Variants in RAD51B observed in about 807,000 individuals in gnomAD.
RAD51B encodes the protein DNA repair protein RAD51 homolog 2.
In RAD51B, 38 loss-of-function variants were observed where a neutral mutation model predicts 42.2. That is an observed-to-expected ratio of 0.90 (90% confidence interval 0.70 to 1.18). The LOEUF is 1.18. Ranked by LOEUF, RAD51B falls within the 50% of genes most tolerant of loss-of-function variation. The pLI is 0.00. For synonymous variants in RAD51B, 154 were observed against 145.2 expected (o/e 1.06, Z -0.43); for missense variants, 373 against 400.7 (o/e 0.93, Z 0.59).
intron 8 of RAD51B, among the ~76,000 whole-genome samples, chr14:68,328,478 C>A (rs2082287937): frequency 6.6e-6 from 1 of 152,148 alleles, no homozygotes; most frequent in African/African-American, 2.4e-5. Context: ...ATATAATGGA[C>A]TATACCATTT....
At chr14:68,193,421 A>G (rs2079306349) in intron 7 of RAD51B, among the ~76,000 whole-genome samples, 1 of 152,078 alleles carries the variant, frequency 6.6e-6, no homozygotes, top group Admixed American at 6.6e-5. Flanking sequence ...GAGGTCTGGG[A>G]CCATATCTTC....
intron 9 of RAD51B, among the ~76,000 whole-genome samples, chr14:68,445,166 A>G (rs1317345565): frequency 1.3e-5 from 2 of 152,144 alleles, no homozygotes; most frequent in Non-Finnish European, 2.9e-5. Flanking sequence ...TTGCAGGCTG[A>G]AGAGTTAGCC....
intron 4 of RAD51B, among the ~76,000 whole-genome samples, chr14:67,858,471 T>G (rs1464843894): frequency 2.0e-5 from 3 of 152,168 alleles, no homozygotes; most frequent in African/African-American, 7.2e-5. Context: ...TCTCCGGTAT[T>G]GATTGAGTTT....
At chr14:68,162,641 C>T (rs891350322) in intron 7 of RAD51B, among the ~76,000 whole-genome samples, 2 of 151,912 alleles carry the variant, frequency 1.3e-5, no homozygotes. Flanking sequence ...AAAAATTAGC[C>T]GGGTGTGGTG....
chr14:68,259,092 G>T (rs1034512261), intron 7 of RAD51B, among the ~76,000 whole-genome samples: 4 of 152,200 alleles, frequency 2.6e-5, no homozygotes, highest in African/African-American at 7.2e-5. Flanking sequence ...AGACATATTT[G>T]TGAGACATGT....
At chr14:68,155,957 G>C (rs1388694627) in intron 7 of RAD51B, among the ~76,000 whole-genome samples, 2 of 152,188 alleles carry the variant, frequency 1.3e-5, no homozygotes, top group East Asian at 3.8e-4. Context: ...TTAGCATTTA[G>C]AGTTTCTTCA....
chr14:67,995,539 G>C (rs2075366003), intron 7 of RAD51B, among the ~76,000 whole-genome samples: 1 of 151,982 alleles, frequency 6.6e-6, no homozygotes, highest in Non-Finnish European at 1.5e-5. Flanking sequence ...TTAGAAATAT[G>C]GATGTCAACC....
intron 10 of RAD51B, among the ~76,000 whole-genome samples, chr14:68,542,621 A>G (rs971459286): frequency 1.3e-5 from 2 of 152,234 alleles, no homozygotes; most frequent in African/African-American, 4.8e-5. Flanking sequence ...TTCATGACAC[A>G]TAACAATGGC....
chr14:68,343,338 T>C (rs913130562), intron 8 of RAD51B, among the ~76,000 whole-genome samples: 23 of 152,224 alleles, frequency 1.5e-4, no homozygotes, highest in Admixed American at 1.3e-4. Context: ...ACAGGGGCTT[T>C]TTATTTTGAT....
intron 10 of RAD51B, among the ~76,000 whole-genome samples, chr14:68,485,694 C>T (rs898033425): frequency 6.6e-6 from 1 of 152,160 alleles, no homozygotes; most frequent in Non-Finnish European, 1.5e-5. Context: ...TTTCTCCAGC[C>T]CCCACCCTCA....
chr14:68,457,773 ATTTTTT>A (rs771439291), intron 9 of RAD51B, among the ~76,000 whole-genome samples: 1 of 106,764 alleles, frequency 9.4e-6, no homozygotes, highest in Non-Finnish European at 1.9e-5. Context: ...TAATTTTTGT[ATTTTTT>A]TTTTTTTTTT....
intron 8 of RAD51B, among the ~76,000 whole-genome samples, chr14:68,326,710 A>G (rs779942550): frequency 5.3e-5 from 8 of 152,210 alleles, no homozygotes; most frequent in Non-Finnish European, 7.3e-5. Flanking sequence ...CTTTTTCTAT[A>G]ACCTAATTAC....
intron 10 of RAD51B, among the ~76,000 whole-genome samples, chr14:68,474,769 T>G (rs1882416230): frequency 6.6e-6 from 1 of 152,224 alleles, no homozygotes; most frequent in African/African-American, 2.4e-5. Flanking sequence ...TAAGCTAAAA[T>G]GGATTGGTCA....
At chr14:68,501,834 C>G (rs2525511) in intron 10 of RAD51B, among the ~76,000 whole-genome samples, 86,675 of 152,300 alleles carry the variant, frequency 0.57, 26,311 homozygotes, top group South Asian at 0.69. Context: ...ATGGGGTGGG[C>G]TGTGACATCG....
At chr14:68,001,736 C>G (rs984142068) in intron 7 of RAD51B, among the ~76,000 whole-genome samples, 2 of 152,100 alleles carry the variant, frequency 1.3e-5, no homozygotes, top group African/African-American at 4.8e-5. Flanking sequence ...TGTATTGTTC[C>G]CCTCCATGTG....
chr14:68,334,223 T>G (rs2082403086), intron 8 of RAD51B, among the ~76,000 whole-genome samples: 1 of 152,106 alleles, frequency 6.6e-6, no homozygotes, highest in Non-Finnish European at 1.5e-5. Context: ...CTCCAAAACT[T>G]TATTAGCCTA....
intron 8 of RAD51B, among the ~76,000 whole-genome samples, chr14:68,329,156 A>G (rs554683403): frequency 6.6e-6 from 1 of 152,200 alleles, no homozygotes; most frequent in African/African-American, 2.4e-5. Flanking sequence ...CAAGAGGTGT[A>G]TGCCACCACA....
chr14:68,049,322 A>G (rs923493943), intron 7 of RAD51B, among the ~76,000 whole-genome samples: 4 of 152,172 alleles, frequency 2.6e-5, no homozygotes, highest in Non-Finnish European at 5.9e-5. Flanking sequence ...AAACCTGCAC[A>G]TTGTGCACAT....
chr14:68,552,183 C>G (rs1487810526), intron 10 of RAD51B, among the ~76,000 whole-genome samples: 1 of 152,192 alleles, frequency 6.6e-6, no homozygotes, highest in Non-Finnish European at 1.5e-5. Flanking sequence ...AACCGCTGTC[C>G]CCACTTCACT....
Sources: allele counts gnomAD v4.1 joint callset (sites outside exome capture counted in the v4.1 genomes callset), GRCh38; gene constraint gnomAD v4.1.1; transcripts MANE v1.5; gene names NCBI Gene and HGNC (gene_info 2026-07-23, HGNC 2026-07-21).